Variants in METTL15 observed in about 807,000 individuals in gnomAD.
The protein encoded by METTL15 is 12S rRNA N(4)-cytidine methyltransferase METTL15.
METTL15 carries 34 observed loss-of-function variants against 38.3 expected under a neutral mutation model. The ratio of observed to expected loss-of-function variants is 0.89; its 90% CI spans 0.68 to 1.18. The LOEUF is 1.18. Among genes scored for constraint, METTL15 ranks in the 50% most tolerant of loss-of-function variants. The pLI is 0.00. For synonymous variants in METTL15, 162 were observed against 170.9 expected (o/e 0.95, Z 0.41); for missense variants, 438 against 498.4 (o/e 0.88, Z 1.15).
chr11:28,369,004 G>A (rs1195771963), intron 5 of METTL15, among the ~76,000 whole-genome samples: 1 of 152,174 alleles, frequency 6.6e-6, no homozygotes, highest in East Asian at 1.9e-4. Flanking sequence ...GCCTGTCAGA[G>A]GGTGGGGAGC....
intron 4 of METTL15, among the ~76,000 whole-genome samples, chr11:28,286,273 T>C (rs1856258747): frequency 6.6e-6 from 1 of 152,116 alleles, no homozygotes; most frequent in South Asian, 2.1e-4. Flanking sequence ...GATAATAGCT[T>C]TTAATTAAAG....
chr11:28,509,575 T>C (rs1450325351), intron 6 of METTL15, among the ~76,000 whole-genome samples: 1 of 152,190 alleles, frequency 6.6e-6, no homozygotes, highest in Non-Finnish European at 1.5e-5. Context: ...TGGAAGATTC[T>C]TGGGCAGAAA....
chr11:28,453,931 A>G (rs944578030), intron 6 of METTL15, among the ~76,000 whole-genome samples: 1 of 152,204 alleles, frequency 6.6e-6, no homozygotes, highest in Non-Finnish European at 1.5e-5. Context: ...AGATACAGGA[A>G]AAAGAGTCAC....
chr11:28,282,734 G>T (rs1182640954), intron 4 of METTL15, among the ~76,000 whole-genome samples: 1 of 152,148 alleles, frequency 6.6e-6, no homozygotes, highest in East Asian at 1.9e-4. Flanking sequence ...CCTGCTAAAT[G>T]CTGGAGACAT....
chr11:28,198,707 T>G (rs1190878974), intron 3 of METTL15, among the ~76,000 whole-genome samples: 1 of 152,086 alleles, frequency 6.6e-6, no homozygotes, highest in Non-Finnish European at 1.5e-5. Context: ...CAATAATAAA[T>G]CAAGGGTTTT....
At chr11:28,309,224 G>T (rs976153334) in intron 6 of METTL15, among the ~76,000 whole-genome samples, 1 of 152,018 alleles carries the variant, frequency 6.6e-6, no homozygotes, top group South Asian at 2.1e-4. Context: ...CTTCCATTTG[G>T]TTGCTGCCAA....
At chr11:28,304,133 T>A (rs1277549620) in intron 6 of METTL15, among the ~76,000 whole-genome samples, 2 of 152,210 alleles carry the variant, frequency 1.3e-5, no homozygotes, top group Admixed American at 6.5e-5. Flanking sequence ...ATGCAGTAGT[T>A]GGAACTCTTG....
intron 5 of METTL15, chr11:28,398,913 A>G (rs1203224565): frequency 6.6e-6 from 1 of 152,032 alleles, no homozygotes; most frequent in African/African-American, 2.4e-5. Context: ...CCCTCAAGCT[A>G]CCATTGACTT....
rs147977801 is a variant in METTL15 at position 28,145,616 on chromosome 11, C to T, written c.270+32012C>T. On this transcript the variant is annotated intron_variant, in intron 3 of 6. Transcript: ENST00000407364. ...TCCCTGCAACGAGTGGTCTTTTGCT[C>T]CTCATTTCTGTGGTCCTTTACCCAT... The T allele has an allele frequency of 6.4e-4, 98 of 152,128 alleles. 1 individual carries two copies. The highest frequency in any genetic ancestry group is 2.2e-3 in the African/African-American group (91 of 41,524). 9.4% of individuals were successfully genotyped at this position (152,128 alleles called of 1,614,324 possible). A position where few individuals can be genotyped will look rare whatever the true frequency, so the allele number is the denominator to read the frequency against.
At chr11:28,330,273 C>A in intron 6 of METTL15, 123 bp from the exon 7 acceptor site, 1 of 882,932 alleles carries the variant, frequency 1.1e-6, no homozygotes, top group Non-Finnish European at 1.7e-6. Flanking sequence ...GAAGTGCCAC[C>A]ACAATTTTCT....
intron 6 of METTL15, chr11:28,517,421 G>A (rs1851728630): frequency 6.6e-6 from 1 of 151,206 alleles, no homozygotes. Flanking sequence ...TATTTCCATT[G>A]TTCTGGGCCC....
At chr11:28,351,512 C>G (rs1374031983) in intron 3 of METTL15, among the ~76,000 whole-genome samples, 1 of 152,200 alleles carries the variant, frequency 6.6e-6, no homozygotes, top group East Asian at 1.9e-4. Context: ...CATGTCTATA[C>G]CAATCTCTAC....
At chr11:28,423,179 C>A (rs1456068924) in intron 5 of METTL15, among the ~76,000 whole-genome samples, 2 of 151,600 alleles carry the variant, frequency 1.3e-5, no homozygotes, top group East Asian at 1.9e-4. Context: ...AACTTTTATC[C>A]AAAACACAGT....
chr11:28,320,761 G>T (rs1849437423), intron 6 of METTL15, among the ~76,000 whole-genome samples: 1 of 152,076 alleles, frequency 6.6e-6, no homozygotes, highest in Admixed American at 6.6e-5. Flanking sequence ...AACCTGGAAG[G>T]TTTAGGCTGA....
At chr11:28,301,543 GT>G (rs1856913569) in intron 6 of METTL15, among the ~76,000 whole-genome samples, 1 of 152,028 alleles carries the variant, frequency 6.6e-6, no homozygotes. Flanking sequence ...TTGAAATGTA[GT>G]TACTCCGCAT....
chr11:28,379,548 T>G (rs1850358945), intron 5 of METTL15, among the ~76,000 whole-genome samples: 1 of 152,198 alleles, frequency 6.6e-6, no homozygotes, highest in South Asian at 2.1e-4. Context: ...AATTCTAGTT[T>G]TATTCCATTG....
At chr11:28,172,890 T>C (rs1022521742) in intron 3 of METTL15, among the ~76,000 whole-genome samples, 1 of 152,186 alleles carries the variant, frequency 6.6e-6, no homozygotes, top group Non-Finnish European at 1.5e-5. Flanking sequence ...CTCCTTTTGT[T>C]GGCTACTTTT....
intron 6 of METTL15, among the ~76,000 whole-genome samples, chr11:28,482,502 G>T (rs1304274197): frequency 6.6e-6 from 1 of 152,210 alleles, no homozygotes; most frequent in East Asian, 1.9e-4. Context: ...GAACTGAGTA[G>T]TTGCTCAGGA....
At chr11:28,252,021 A>G (rs1315396948) in intron 4 of METTL15, among the ~76,000 whole-genome samples, 1 of 152,140 alleles carries the variant, frequency 6.6e-6, no homozygotes, top group East Asian at 1.9e-4. Flanking sequence ...CTGTAATTGT[A>G]CTGGCTGGCC....
Sources: gnomAD v4.1 joint callset for allele counts (sites outside exome capture counted in the v4.1 genomes callset) on GRCh38, gnomAD v4.1.1 for gene constraint, MANE v1.5 for transcripts, NCBI Gene and HGNC (gene_info 2026-07-23, HGNC 2026-07-21) for gene names.